Variants in PRR29 observed in about 807,000 individuals in gnomAD.
The protein encoded by PRR29 is proline rich 29.
A neutral mutation model predicts 25.1 loss-of-function variants in PRR29; 20 were observed. The observed-to-expected ratio is 0.80, with a 90% CI of 0.56 to 1.16. The LOEUF (loss-of-function observed/expected upper bound fraction) is 1.16, where lower values mean the gene tolerates loss of function less well. Ranked by LOEUF, PRR29 falls within the 50% of genes most tolerant of loss-of-function variation. The probability of loss-of-function intolerance (pLI) is 0.00; values close to 1 mark genes in which losing one functional copy is unlikely to be tolerated. For synonymous variants in PRR29, 108 were observed against 102.6 expected, an observed-to-expected ratio of 1.05 and a Z score of -0.32; for missense variants, 238 against 246.6, an observed-to-expected ratio of 0.97 and a Z score of 0.23.
At chr17:63,999,163 T>A in intron 3 of PRR29, 89 bp downstream of exon 3, 2 of 1,009,854 alleles carry the variant, frequency 2.0e-6, no homozygotes, top group Non-Finnish European at 2.9e-6. Flanking sequence ...GGAAAAGAAC[T>A]GGGAGACAGA....
At chr17:63,998,535 C>A (rs1441223025) in intron 1 of PRR29, 111 bp downstream of exon 1, 3 of 1,283,494 alleles carry the variant, frequency 2.3e-6, no homozygotes, top group Non-Finnish European at 2.1e-6. Flanking sequence ...GGAGAGACAG[C>A]CCCAAACCGA....
chr17:63,998,940 C>T (rs1047652293), intron 2 of PRR29, 28 bp from the exon 3 acceptor site: 2 of 1,530,588 alleles, frequency 1.3e-6, no homozygotes, highest in African/African-American at 1.4e-5. Flanking sequence ...GGAGGCCCGG[C>T]GTGGGCTTGC....
At chr17:63,999,128 TC>T in intron 3 of PRR29, 54 bp downstream of exon 3, 2 of 1,350,386 alleles carry the variant, frequency 1.5e-6, no homozygotes, top group Non-Finnish European at 2.0e-6. Context: ...GGGATGCGGA[TC>T]CACCTGGGGT....
intron 4 of PRR29, 26 bp from the exon 5 acceptor site, chr17:64,001,441 G>A (rs930273605): frequency 6.7e-7 from 1 of 1,500,180 alleles, no homozygotes. Flanking sequence ...CCTCTGATGG[G>A]GGTCTTTTTC....
chr17:64,003,782 C>T lies in PRR29; in HGVS notation c.*2021C>T. ...GCCGTGCTGTTGAATGTGGCTGTGG[C>T]CTCCTGCGGAGCAGGGGCTGCCTTC... On this transcript the variant is annotated 3_prime_UTR_variant, in exon 6 of 6. Transcript: ENST00000412177. 1.2e-6 allele frequency: 2 copies of T among 1,614,220 alleles called. No individual in the cohort carries two copies. The highest frequency in any genetic ancestry group is 1.7e-6 in the Non-Finnish European group (2 of 1,180,040).
At chr17:63,998,609 C>A in intron 1 of PRR29, 98 bp from the exon 2 acceptor site, 4 of 1,019,374 alleles carry the variant, frequency 3.9e-6, no homozygotes, top group Admixed American at 2.5e-5. Context: ...CTGGCCCCTG[C>A]GGGGTTAGGG....
At position 64,002,092 on chromosome 17, in the gene PRR29, A is replaced by G; in HGVS notation, c.*331A>G. ...ACAGAGCCCCCACCCTCTCTCCCTC[A>G]CCCCTCTCTCTGGGATGATGAGGTC... On this transcript the variant is annotated 3_prime_UTR_variant, in exon 6 of 6. Transcript: ENST00000412177. 1 of 1,164,972 alleles carries G rather than the reference A, an allele frequency of 8.6e-7. No homozygotes were observed. The highest frequency in any genetic ancestry group is 1.5e-5 in the South Asian group (1 of 65,842). The allele number at this position is 1,164,972 out of a possible 1,614,324, so 72.2% of individuals were successfully genotyped here.
Position 64,002,318 on chromosome 17 carries a change from GGTCAGAGCTTT to G in PRR29, c.*561_*571del, listed in dbSNP as rs1910828942. 2.2e-6 allele frequency: 1 copy of G among 451,686 alleles called. No homozygotes were observed. The highest frequency in any genetic ancestry group is 2.0e-5 in the African/African-American group (1 of 50,858). The allele number at this position is 451,686 out of a possible 1,614,324, so 28.0% of individuals were successfully genotyped here. A position where few individuals can be genotyped will look rare whatever the true frequency, so the allele number is the denominator to read the frequency against. On this transcript the variant is annotated 3_prime_UTR_variant, in exon 6 of 6. Coordinates refer to ENST00000412177, the MANE Select transcript of PRR29 (RefSeq NM_001164257.2). ...AGCAGCTCTGTTGGCAGAAAGGAGA[GGTCAGAGCTTT>G]GTCCTGCTGTGGCCAGGAGTGGCCT...
rs1250258700 is a variant in PRR29, at chr17:64,001,453, T to A, written c.471-14T>A. ...GGGCCTCTGATGGGGGTCTTTTTCT[T>A]TCCCCCATCTCAGGAGAGCTGTGCC... On this transcript the variant is annotated splice_polypyrimidine_tract_variant and intron_variant, in intron 4 of 5. Coordinates refer to ENST00000412177, the MANE Select transcript of PRR29 (RefSeq NM_001164257.2). 1.3e-6 allele frequency: 2 copies of A among 1,496,870 alleles called. No individual in the cohort carries two copies. Among genetic ancestry groups the A allele is most frequent in the Admixed American group, 2.2e-5 (1 of 45,236 alleles). 92.7% of individuals were successfully genotyped at this position (1,496,870 alleles called of 1,614,324 possible).
At chr17:63,999,177 G>T in intron 3 of PRR29, 103 bp downstream of exon 3, 4 of 867,236 alleles carry the variant, frequency 4.6e-6, no homozygotes, top group Non-Finnish European at 5.4e-6. Flanking sequence ...AGACAGAGGA[G>T]CAGGAAGCCA....
In PRR29 at chr17:64,003,737, G is replaced by A. The variant is rs751902761; in HGVS notation, c.*1976G>A. On this transcript the variant is annotated 3_prime_UTR_variant, in exon 6 of 6. Transcript: ENST00000412177. ...AGCACAGCCAGGCAGGAGAAGTTGC[G>A]GTGGCCATCCTCTCTGTCAGCCGTG... 8.1e-6 allele frequency: 13 copies of A among 1,614,036 alleles called. 1 individual carries two copies. Among genetic ancestry groups the A allele is most frequent in the Non-Finnish European group, 2.5e-6 (3 of 1,180,048 alleles).
Position 64,002,640 on chromosome 17 carries a change from G to A in PRR29, c.*879G>A, listed in dbSNP as rs1910855897. 9.9e-7 allele frequency: 1 copy of A among 1,010,504 alleles called. No homozygotes were observed. The highest frequency in any genetic ancestry group is 1.5e-6 in the Non-Finnish European group (1 of 687,806). The allele number at this position is 1,010,504 out of a possible 1,614,324, so 62.6% of individuals were successfully genotyped here. On this transcript the variant is annotated 3_prime_UTR_variant, in exon 6 of 6. Coordinates refer to ENST00000412177, the MANE Select transcript of PRR29 (RefSeq NM_001164257.2). ...CGGGCTAGAAAAGGCAATGTCCCAA[G>A]TCTCTGCTGCCTGTCACAGTCCTTC...
intron 4 of PRR29, 25 bp from the exon 5 acceptor site, chr17:64,001,442 G>A: frequency 6.7e-7 from 1 of 1,498,866 alleles, no homozygotes; most frequent in South Asian, 1.3e-5. Flanking sequence ...CTCTGATGGG[G>A]GTCTTTTTCT....
In PRR29 at chr17:64,001,500, C is replaced by T. The variant is rs1191271130; in HGVS notation, c.504C>T (p.Ala168=). 6.6e-7 allele frequency: 1 copy of T among 1,510,026 alleles called. No individual in the cohort carries two copies. The highest frequency in any genetic ancestry group is 1.3e-5 in the South Asian group (1 of 79,696). 93.5% of individuals were successfully genotyped at this position (1,510,026 alleles called of 1,614,324 possible). Reference sequence around the variant, plus strand: ...TGCCCCCACCCCCACCCCCCAGTGCCACAGGGACTGTGGGTGCTGATGTAC... The same window carrying T: ...TGCCCCCACCCCCACCCCCCAGTGCTACAGGGACTGTGGGTGCTGATGTAC... ...RAVPPPPPPS[A]TGTVGADVPP... is the part of the protein sequence containing the mutation. Residue 168 remains alanine (A), a synonymous_variant, in exon 5 of 6, where the codon GCC becomes GCT. Transcript: ENST00000412177.
rs1487085614 is a variant in PRR29 at position 64,002,249 on chromosome 17, T to C, written c.*488T>C. Reference sequence around the variant, plus strand: ...GAGAGACTTTGCTGGGCAGCGCCCCTGAGCAGAGTCAGTTCGCTGGGCCCC... The same window carrying C: ...GAGAGACTTTGCTGGGCAGCGCCCCCGAGCAGAGTCAGTTCGCTGGGCCCC... On this transcript the variant is annotated 3_prime_UTR_variant, in exon 6 of 6. Transcript: ENST00000412177. The C allele has an allele frequency of 1.8e-6, 1 of 544,826 alleles. No homozygotes were observed. Among genetic ancestry groups the C allele is most frequent in the East Asian group, 3.2e-5 (1 of 31,582 alleles). The allele number at this position is 544,826 out of a possible 1,614,324, so 33.7% of individuals were successfully genotyped here.
Position 64,003,397 on chromosome 17 carries a change from C to T in PRR29, c.*1636C>T. The T allele has an allele frequency of 1.9e-6, 1 of 539,702 alleles. No homozygotes were observed. The highest frequency in any genetic ancestry group is 2.2e-5 in the South Asian group (1 of 45,446). The allele number at this position is 539,702 out of a possible 1,614,324, so 33.4% of individuals were successfully genotyped here. Reference sequence around the variant, plus strand: ...GGAGGGGAGCCAAGGCCAGGGAGAGCCGTCAAGGTCATGGGGCTTGATGGT... The same window carrying T: ...GGAGGGGAGCCAAGGCCAGGGAGAGTCGTCAAGGTCATGGGGCTTGATGGT... On this transcript the variant is annotated 3_prime_UTR_variant, in exon 6 of 6. Transcript: ENST00000412177.
Position 63,998,802 on chromosome 17 carries a change from C to CCCCCCCCCCCCCCCCCA in PRR29, c.136+21_136+22insCCCCCCCCCCCCCCCAC. ...AGGAAGGTGAGACTCCCGGGTCCCCCCACCCCACCCCCACCATCACCACCA... is the reference window on the plus strand; with the variant it reads ...AGGAAGGTGAGACTCCCGGGTCCCCCCCCCCCCCCCCCCCCCACACCCCACCCCCACCATCACCACCA... On this transcript the variant is annotated intron_variant, in intron 2 of 5. Transcript: ENST00000412177. The CCCCCCCCCCCCCCCCCA allele has an allele frequency of 8.4e-7, 1 of 1,193,078 alleles. No individual in the cohort carries two copies. Among genetic ancestry groups the CCCCCCCCCCCCCCCCCA allele is most frequent in the Non-Finnish European group, 1.2e-6 (1 of 835,174 alleles). The allele number at this position is 1,193,078 out of a possible 1,614,324, so 73.9% of individuals were successfully genotyped here. A position where few individuals can be genotyped will look rare whatever the true frequency, so the allele number is the denominator to read the frequency against.
At position 63,998,796 on chromosome 17, in the gene PRR29, G is replaced by GGGGCCCCCCCCCCCCCCCCC; in HGVS notation, c.136+14_136+15insGGGCCCCCCCCCCCCCCCCC. On this transcript the variant is annotated intron_variant, in intron 2 of 5. Transcript: ENST00000412177. The stretch of plus-strand genomic sequence containing the variant: ...GCGTGAAGGAAGGTGAGACTCCCGG[G>GGGGCCCCCCCCCCCCCCCCC]TCCCCCCACCCCACCCCCACCATCA... The GGGGCCCCCCCCCCCCCCCCC allele has an allele frequency of 7.4e-7, 1 of 1,345,622 alleles. No homozygotes were observed. The highest frequency in any genetic ancestry group is 1.0e-6 in the Non-Finnish European group (1 of 975,992). 83.4% of individuals were successfully genotyped at this position (1,345,622 alleles called of 1,614,324 possible).
Position 64,001,078 on chromosome 17 carries a change from C to T in PRR29, c.244-6C>T, listed in dbSNP as rs1467176335. The T allele has an allele frequency of 5.9e-6, 9 of 1,536,318 alleles. No homozygotes were observed. The Admixed American group carries it at 1.4e-4, about 23-fold the overall frequency. On this transcript the variant is annotated splice_polypyrimidine_tract_variant and splice_region_variant and intron_variant, in intron 3 of 5. Transcript: ENST00000412177. ...ATTTCCCCTCCCTGTTTTGCACAAT[C>T]CCCAGGTCTACCTGGAGGTTCCACA...
Sources: allele counts gnomAD v4.1 joint callset, GRCh38; gene constraint gnomAD v4.1.1; transcripts MANE v1.5; gene names NCBI Gene and HGNC (gene_info 2026-07-23, HGNC 2026-07-21).